Variants in SCEL observed in about 807,000 individuals in gnomAD.
SCEL encodes sciellin.
A neutral mutation model predicts 117.6 loss-of-function variants in SCEL; 113 were observed. The observed-to-expected ratio is 0.96, with a 90% CI of 0.83 to 1.12. SCEL has a LOEUF of 1.12. Ranked by LOEUF, SCEL falls within the 50% of genes most tolerant of loss-of-function variation. The pLI is 0.00. For missense variants in SCEL, 785 were observed against 810.8 expected (o/e 0.97, Z 0.39); for synonymous variants, 270 against 256.2 (o/e 1.05, Z -0.51).
intron 8 of SCEL, among the ~76,000 whole-genome samples, chr13:77,570,427 T>C (rs1014859699): frequency 3.3e-5 from 5 of 152,210 alleles, no homozygotes; most frequent in Non-Finnish European, 7.3e-5. Context: ...CCTCCGACAT[T>C]TTGGGCATAA....
In SCEL at chr13:77,552,688, G is replaced by C. The variant is rs1390033750; in HGVS notation, c.-19-3169G>C. ...TAGTTTCTTTTGCTGTGCAGAAGCT[G>C]TTTAGTTTAATTAGATCCCATTTGT... On this transcript the variant is annotated intron_variant, in intron 1 of 32. Transcript: ENST00000349847. 9.1e-3 allele frequency among the ~76,000 whole-genome samples: 1,384 copies of C among 151,262 alleles called. 29 individuals are homozygous for C. The highest frequency in any genetic ancestry group is 0.031 in the African/African-American group (1,273 of 41,278).
chr13:77,568,897 TC>T (rs2085437806), intron 7 of SCEL, among the ~76,000 whole-genome samples: 1 of 152,216 alleles, frequency 6.6e-6, no homozygotes, highest in South Asian at 2.1e-4. Context: ...ATCACACCTC[TC>T]AGTGCTTGAA....
At chr13:77,545,277 G>C (rs1384860984) in intron 1 of SCEL, among the ~76,000 whole-genome samples, 1 of 152,180 alleles carries the variant, frequency 6.6e-6, no homozygotes, top group African/African-American at 2.4e-5. Flanking sequence ...AATAAATCCA[G>C]TTAGCTGAAC....
chr13:77,630,219 T>C (rs1054127869), intron 28 of SCEL, among the ~76,000 whole-genome samples: 5 of 152,134 alleles, frequency 3.3e-5, no homozygotes, highest in Admixed American at 6.5e-5. Flanking sequence ...GGCTTTCATT[T>C]TGGGGTACTT....
intron 29 of SCEL, among the ~76,000 whole-genome samples, chr13:77,636,249 T>C (rs1053571317): frequency 2.6e-5 from 4 of 152,216 alleles, no homozygotes; most frequent in African/African-American, 9.6e-5. Flanking sequence ...CAGTCTCAAG[T>C]TTCCTCATCA....
At chr13:77,567,251 C>T (rs553811092) in intron 5 of SCEL, among the ~76,000 whole-genome samples, 16 of 152,140 alleles carry the variant, frequency 1.1e-4, no homozygotes, top group African/African-American at 3.4e-4. Flanking sequence ...GTTAGGAGTT[C>T]GAGACCAGTG....
intron 1 of SCEL, among the ~76,000 whole-genome samples, chr13:77,536,042 G>T (rs2083408725): frequency 2.0e-5 from 3 of 151,824 alleles, no homozygotes; most frequent in African/African-American, 7.3e-5. Context: ...TACACGTTAT[G>T]GGCATCACAG....
At chr13:77,640,015 TTTG>T (rs1473996096) in intron 30 of SCEL, among the ~76,000 whole-genome samples, 1 of 152,182 alleles carries the variant, frequency 6.6e-6, no homozygotes, top group African/African-American at 2.4e-5. Context: ...ATATTTAGTA[TTTG>T]TTATTTAATA....
chr13:77,631,259 A>G (rs1403274967), intron 28 of SCEL, among the ~76,000 whole-genome samples: 5 of 152,188 alleles, frequency 3.3e-5, no homozygotes, highest in Admixed American at 6.5e-5. Context: ...CTCTATTCCT[A>G]TGGTTCTAAA....
intron 1 of SCEL, among the ~76,000 whole-genome samples, chr13:77,550,831 G>A (rs1032480806): frequency 6.6e-6 from 1 of 152,174 alleles, no homozygotes; most frequent in Admixed American, 6.5e-5. Flanking sequence ...TCATGTATAA[G>A]TTTTTGTGTG....
chr13:77,640,140 C>T (rs1252355290), intron 30 of SCEL, among the ~76,000 whole-genome samples: 1 of 152,046 alleles, frequency 6.6e-6, no homozygotes, highest in East Asian at 1.9e-4. Context: ...CTTACAGTGG[C>T]ACCAAGAGGA....
chr13:77,568,751 C>A (rs11618522), intron 7 of SCEL, among the ~76,000 whole-genome samples: 2 of 152,152 alleles, frequency 1.3e-5, no homozygotes, highest in Admixed American at 6.5e-5. Context: ...ATGGGGTGAG[C>A]TAAAAATCTA....
At chr13:77,563,986 C>A in intron 5 of SCEL, 87 bp downstream of exon 5, 5 of 930,188 alleles carry the variant, frequency 5.4e-6, no homozygotes, top group South Asian at 4.6e-5. Context: ...AAAAGTTTAC[C>A]AAAATAAGGT....
At chr13:77,634,657 C>T (rs923979987) in intron 29 of SCEL, among the ~76,000 whole-genome samples, 2 of 152,146 alleles carry the variant, frequency 1.3e-5, no homozygotes, top group East Asian at 3.9e-4. Flanking sequence ...ATTAGATGAA[C>T]TCAGTAATAT....
Position 77,613,962 on chromosome 13 carries a change from G to A in SCEL, c.1451+7G>A, listed in dbSNP as rs375855737. ...CTGTCAAAAACACTGATGGGTAAGA[G>A]ATGGATGTGATTTTTGTTGTGTTTC... On this transcript the variant is annotated splice_region_variant and intron_variant, in intron 24 of 32. Transcript: ENST00000349847. 6.2e-7 allele frequency: 1 copy of A among 1,609,256 alleles called. No individual in the cohort carries two copies. The highest frequency in any genetic ancestry group is 8.5e-7 in the Non-Finnish European group (1 of 1,176,558).
chr13:77,622,834 C>T (rs930936802), intron 27 of SCEL, among the ~76,000 whole-genome samples: 3 of 152,116 alleles, frequency 2.0e-5, no homozygotes, highest in African/African-American at 7.2e-5. Flanking sequence ...TACACTCGAG[C>T]CTGGGAGACA....
In SCEL at chr13:77,572,133, G is replaced by A; in HGVS notation, c.489G>A (p.Trp163Ter). The change falls in exon 9 of 33, where the codon TGG (tryptophan) becomes TGA (stop). Residue 163 changes from tryptophan (W) to a stop codon, truncating the protein, a stop_gained. Coordinates refer to ENST00000349847, the MANE Select transcript of SCEL (RefSeq NM_144777.3). LOFTEE classifies it high-confidence loss of function. ...TGTCATTTCTTAACAGGCAGTCCTG[G>A]TTTCCACCGCCCCCTCCAGGTTACA... ...TTPVKKKRQS[W>*]FPPPPPGYNA... 1 of 1,612,956 alleles carries A rather than the reference G, an allele frequency of 6.2e-7. No individual in the cohort carries two copies. Among genetic ancestry groups the A allele is most frequent in the Non-Finnish European group, 8.5e-7 (1 of 1,179,224 alleles).
chr13:77,555,856 G>C lies in SCEL; in HGVS notation c.-19-1G>C. ...TTCTCTATTTCCCATTTTTCTTTTA[G>C]GTCCTTACTGGAAGGCAGCATGTCC... On this transcript the variant is annotated splice_acceptor_variant, in intron 1 of 32. Coordinates refer to ENST00000349847, the MANE Select transcript of SCEL (RefSeq NM_144777.3). LOFTEE classifies it low-confidence loss of function (5UTR_SPLICE). 5 of 1,607,152 alleles carry C rather than the reference G, an allele frequency of 3.1e-6. No homozygotes were observed. Among genetic ancestry groups the C allele is most frequent in the Non-Finnish European group, 4.3e-6 (5 of 1,174,142 alleles).
chr13:77,615,567 A>C (rs1311563792), intron 24 of SCEL, among the ~76,000 whole-genome samples: 1 of 152,130 alleles, frequency 6.6e-6, no homozygotes. Context: ...TAACCTAAAT[A>C]TCCTAATGTA....
Sources: allele counts gnomAD v4.1 joint callset (sites outside exome capture counted in the v4.1 genomes callset), GRCh38; gene constraint gnomAD v4.1.1; transcripts MANE v1.5; gene names NCBI Gene and HGNC (gene_info 2026-07-23, HGNC 2026-07-21).